GLRA2: variants seen among roughly 807,000 people sequenced by gnomAD.
The protein encoded by GLRA2 is glycine receptor alpha 2.
Under a neutral mutation model 31.6 loss-of-function variants are expected in GLRA2, and 11 were observed. That is an observed-to-expected ratio of 0.35 (90% CI 0.22 to 0.58). The LOEUF (loss-of-function observed/expected upper bound fraction) is 0.58, where lower values mean the gene tolerates loss of function less well. Ranked by LOEUF, GLRA2 falls within the 20% of genes least tolerant of loss-of-function variation. The pLI is 0.84. For missense variants in GLRA2, 212 were observed against 351.8 expected (o/e 0.60, Z 3.18); for synonymous variants, 132 against 134.0 (o/e 0.99, Z 0.10).
Position 14,610,140 on chromosome X carries a change from G to A in GLRA2, c.930+935G>A, listed in dbSNP as rs1366045860. On this transcript the variant is annotated intron_variant, in intron 7 of 8. Transcript: ENST00000218075. ...CAGTGTACATTGTCTCATACTGGTT[G>A]AGCAGTCTCTCCAAAATGCATTTCC... Among the ~76,000 whole-genome samples the A allele has an allele frequency of 2.7e-5, 3 of 112,013 alleles. No homozygotes were observed. In the Admixed American group the frequency reaches 2.8e-4, roughly 11 times the overall value.
At chrX:14,538,222 T>C (rs1223658044) in intron 2 of GLRA2, among the ~76,000 whole-genome samples, 1 of 111,036 alleles carries the variant, frequency 9.0e-6, no homozygotes, top group Non-Finnish European at 1.9e-5. Flanking sequence ...TCAGCCATTT[T>C]TGAGAAAAGA....
chrX:14,507,498 T>C, the GLRA2 span, among the ~76,000 whole-genome samples: 1 of 110,257 alleles, frequency 9.1e-6, no homozygotes, highest in Admixed American at 9.7e-5. Flanking sequence ...GTGATGCTTG[T>C]TTGTTACTGG....
At chrX:14,597,937 G>A (rs2090225444) in intron 4 of GLRA2, among the ~76,000 whole-genome samples, 1 of 111,683 alleles carries the variant, frequency 9.0e-6, no homozygotes, top group Non-Finnish European at 1.9e-5. Flanking sequence ...TAATAAGAAT[G>A]CTTGACCCAC....
At chrX:14,560,312 TG>T (rs1435462130) in intron 2 of GLRA2, among the ~76,000 whole-genome samples, 2 of 112,152 alleles carry the variant, frequency 1.8e-5, no homozygotes. Context: ...TTTCTATTTG[TG>T]ACAAGAGAGA....
upstream of GLRA2, among the ~76,000 whole-genome samples, chrX:14,525,835 CTTATA>C (rs1298848698): frequency 3.6e-5 from 4 of 111,597 alleles, no homozygotes; most frequent in African/African-American, 1.3e-4. Context: ...TACATATGTA[CTTATA>C]TTATTTTGTT....
Position 14,682,105 on chromosome X carries a change from T to C in GLRA2, c.931-8605T>C, listed in dbSNP as rs184514950. Among the ~76,000 whole-genome samples the C allele has an allele frequency of 5.1e-4, 53 of 104,512 alleles. No individual in the cohort carries two copies. In the East Asian group the frequency reaches 0.015, roughly 30 times the overall value. The allele number at this position is 104,512 out of a possible 115,157, so 90.8% of individuals were successfully genotyped here. A position where few individuals can be genotyped will look rare whatever the true frequency, so the allele number is the denominator to read the frequency against. ...GCTAAGAAGGAACAGATAAGTTCAA[T>C]AGAGAGTGATAAGGGAACAAAGAAA... On this transcript the variant is annotated intron_variant, in intron 7 of 8. Transcript: ENST00000218075.
chrX:14,452,427 T>G, the GLRA2 span, among the ~76,000 whole-genome samples: 1 of 112,717 alleles, frequency 8.9e-6, no homozygotes, highest in Admixed American at 9.4e-5. Context: ...CTACATAACC[T>G]ACTGTACCAC....
At chrX:14,604,562 G>GTC (rs2090313865) in intron 5 of GLRA2, among the ~76,000 whole-genome samples, 165 bp downstream of exon 5, 1 of 105,172 alleles carries the variant, frequency 9.5e-6, no homozygotes, top group Non-Finnish European at 2.0e-5. Flanking sequence ...GTGTGTGTGT[G>GTC]TGTGTGTGTG....
chrX:14,511,251 A>G, the GLRA2 span, among the ~76,000 whole-genome samples: 1 of 112,317 alleles, frequency 8.9e-6, no homozygotes, highest in Non-Finnish European at 1.9e-5. Flanking sequence ...AGAAAGAGAA[A>G]TGATTACTCA....
the GLRA2 span, among the ~76,000 whole-genome samples, chrX:14,480,613 G>C: frequency 9.0e-6 from 1 of 111,394 alleles, no homozygotes; most frequent in Non-Finnish European, 1.9e-5. Flanking sequence ...TTATTGAATA[G>C]GGAGTCCTTT....
chrX:14,581,766 G>GCACACACACACACACACA (rs57962541), intron 4 of GLRA2, among the ~76,000 whole-genome samples: 2 of 90,843 alleles, frequency 2.2e-5, no homozygotes, highest in Admixed American at 2.5e-4. Flanking sequence ...ATTCAAGCAT[G>GCACACACACACACACACA]CACACACACA....
intron 7 of GLRA2, among the ~76,000 whole-genome samples, chrX:14,685,202 G>A (rs1379507287): frequency 9.0e-6 from 1 of 111,506 alleles, no homozygotes; most frequent in Non-Finnish European, 1.9e-5. Flanking sequence ...TTGATGTGCT[G>A]CTGGATTCGG....
chrX:14,576,631 C>T (rs747591067), intron 3 of GLRA2, among the ~76,000 whole-genome samples: 1 of 112,009 alleles, frequency 8.9e-6, no homozygotes, highest in Non-Finnish European at 1.9e-5. Flanking sequence ...TTTCGATGTT[C>T]ATTAATGCAA....
chrX:14,471,561 T>A, the GLRA2 span, among the ~76,000 whole-genome samples: 2 of 112,240 alleles, frequency 1.8e-5, no homozygotes, highest in East Asian at 2.8e-4. Context: ...GGTACTCTGC[T>A]ATGTGTTTTA....
At chrX:14,623,622 A>G (rs975019685) in intron 7 of GLRA2, among the ~76,000 whole-genome samples, 1 of 111,232 alleles carries the variant, frequency 9.0e-6, no homozygotes, top group Non-Finnish European at 1.9e-5. Context: ...TGTTTTTGTC[A>G]TTGGTTCTGT....
At chrX:14,458,071 T>G in the GLRA2 span, among the ~76,000 whole-genome samples, 2 of 109,581 alleles carry the variant, frequency 1.8e-5, no homozygotes, top group Non-Finnish European at 3.8e-5. Context: ...CCACCCTGTG[T>G]CCATGTGTTC....
At chrX:14,603,374 G>T (rs1033226615) in intron 4 of GLRA2, among the ~76,000 whole-genome samples, 3 of 110,442 alleles carry the variant, frequency 2.7e-5, no homozygotes, top group Non-Finnish European at 5.7e-5. Flanking sequence ...CACTCTGTGG[G>T]TTGTCTGTTT....
chrX:14,559,419 C>CT (rs753470377), intron 2 of GLRA2, among the ~76,000 whole-genome samples: 1,118 of 48,580 alleles, frequency 0.023, 132 homozygotes, highest in Non-Finnish European at 0.024. Flanking sequence ...GGGGCCATTT[C>CT]TTTTTTTTTT....
upstream of GLRA2, among the ~76,000 whole-genome samples, chrX:14,526,919 G>T (rs1315944390): frequency 9.0e-6 from 1 of 111,520 alleles, no homozygotes; most frequent in Non-Finnish European, 1.9e-5. Flanking sequence ...AGGCCAGGTA[G>T]AGGAGGATAT....
Sources: gnomAD v4.1 joint callset for allele counts (sites outside exome capture counted in the v4.1 genomes callset) on GRCh38, gnomAD v4.1.1 for gene constraint, MANE v1.5 for transcripts, NCBI Gene and HGNC (gene_info 2026-07-23, HGNC 2026-07-21) for gene names.